CNTN5: variants seen among roughly 807,000 people sequenced by gnomAD.
The protein encoded by CNTN5 is contactin 5, also known as contactin-5.
A neutral mutation model predicts 129.1 loss-of-function variants in CNTN5; 77 were observed. That is an observed-to-expected ratio of 0.60 (90% confidence interval 0.50 to 0.72). The LOEUF (loss-of-function observed/expected upper bound fraction) is 0.72, where lower values mean the gene tolerates loss of function less well. Ranked by LOEUF, CNTN5 falls within the 30% of genes least tolerant of loss-of-function variation. The pLI is 0.00. For synonymous variants in CNTN5, 509 were observed against 465.6 expected, an observed-to-expected ratio of 1.09 and a Z score of -1.20; for missense variants, 1,478 against 1,328.8, an observed-to-expected ratio of 1.11 and a Z score of -1.75.
intron 3 of CNTN5, among the ~76,000 whole-genome samples, chr11:99,809,704 A>G (rs1946374072): frequency 6.6e-6 from 1 of 152,168 alleles, no homozygotes; most frequent in Admixed American, 6.6e-5. Flanking sequence ...CTGCATATGT[A>G]AAAGCACAAC....
intron 3 of CNTN5, among the ~76,000 whole-genome samples, chr11:99,761,213 G>A (rs1035294267): frequency 1.3e-5 from 2 of 151,976 alleles, no homozygotes; most frequent in Admixed American, 6.6e-5. Context: ...TAGGTATATG[G>A]ATCAAAGTAA....
chr11:99,482,560 G>T (rs1450644232), intron 2 of CNTN5, among the ~76,000 whole-genome samples: 1 of 152,136 alleles, frequency 6.6e-6, no homozygotes, highest in Non-Finnish European at 1.5e-5. Flanking sequence ...TGACTTTTCA[G>T]TAAATGGAAA....
rs149767330 is a variant in CNTN5, at chr11:99,402,533, T to C, written c.-71+77049T>C. Among the ~76,000 whole-genome samples, 119 of 152,286 alleles carry C rather than the reference T, an allele frequency of 7.8e-4. 1 individual carries two copies. Among genetic ancestry groups the C allele is most frequent in the African/African-American group, 2.7e-3 (113 of 41,564 alleles). On this transcript the variant is annotated intron_variant, in intron 2 of 24. Coordinates refer to ENST00000524871, the MANE Select transcript of CNTN5 (RefSeq NM_014361.4). ...CAGGGATATTGACCTATAGTTTTGT[T>C]GTTGTTTTTAAATTTGTTTTTGTCT... is the stretch of plus-strand genomic sequence containing the variant.
intron 9 of CNTN5, among the ~76,000 whole-genome samples, chr11:100,030,190 T>C (rs534154138): frequency 2.1e-5 from 3 of 145,610 alleles, no homozygotes; most frequent in African/African-American, 7.8e-5. Flanking sequence ...TCCTGGGCAA[T>C]ATAGAAAGAC....
chr11:99,716,066 A>G (rs1331045102), intron 3 of CNTN5, among the ~76,000 whole-genome samples: 1 of 151,930 alleles, frequency 6.6e-6, no homozygotes, highest in East Asian at 1.9e-4. Context: ...AATGTTTTCG[A>G]GATGTGTTTG....
intron 1 of CNTN5, among the ~76,000 whole-genome samples, chr11:99,240,515 TACACAGAGGGA>T (rs1367293735): frequency 6.6e-6 from 1 of 152,158 alleles, no homozygotes; most frequent in Non-Finnish European, 1.5e-5. Context: ...CCTGACTGCC[TACACAGAGGGA>T]ACTGAAACAA....
At chr11:99,243,399 T>G (rs539662020) in intron 1 of CNTN5, among the ~76,000 whole-genome samples, 2 of 152,244 alleles carry the variant, frequency 1.3e-5, no homozygotes, top group East Asian at 3.9e-4. Flanking sequence ...TTTCTTCCAT[T>G]CTGTAGGTCA....
intron 20 of CNTN5, among the ~76,000 whole-genome samples, chr11:100,305,632 GC>G (rs1346432854): frequency 1.5e-4 from 23 of 151,628 alleles, no homozygotes; most frequent in Non-Finnish European, 3.2e-4. Flanking sequence ...ACAATGGGAT[GC>G]CCAAAGCGAA....
At chr11:100,309,098 A>C in intron 21 of CNTN5, 1 of 985,164 alleles carries the variant, frequency 1.0e-6, no homozygotes, top group Non-Finnish European at 1.2e-6. Context: ...GGCTTCTCAC[A>C]CAGCTCTTGT....
At chr11:99,699,203 C>T (rs1954408549) in intron 3 of CNTN5, among the ~76,000 whole-genome samples, 1 of 151,302 alleles carries the variant, frequency 6.6e-6, no homozygotes, top group South Asian at 2.1e-4. Context: ...TTAGTATTTC[C>T]TAAGCAATGA....
In CNTN5 at chr11:100,019,103, T is replaced by C. The variant is rs544297202; in HGVS notation, c.980+16967T>C. On this transcript the variant is annotated intron_variant, in intron 9 of 24. Coordinates refer to ENST00000524871, the MANE Select transcript of CNTN5 (RefSeq NM_014361.4). ...TTTCTCCCACTCTGGGACTGTCTTTTTATTGCCTTACTAGTGTGTCTCAAA... is the reference window on the plus strand; with the variant it reads ...TTTCTCCCACTCTGGGACTGTCTTTCTATTGCCTTACTAGTGTGTCTCAAA... 9.9e-5 allele frequency among the ~76,000 whole-genome samples: 15 copies of C among 152,080 alleles called. 1 individual carries two copies. Among genetic ancestry groups the C allele is most frequent in the African/African-American group, 3.6e-4 (15 of 41,558 alleles).
At chr11:99,812,246 T>G (rs1031252487) in intron 3 of CNTN5, among the ~76,000 whole-genome samples, 5 of 152,124 alleles carry the variant, frequency 3.3e-5, no homozygotes, top group African/African-American at 4.8e-5. Flanking sequence ...TTAGAATTTG[T>G]TTTTGGGAAT....
intron 3 of CNTN5, among the ~76,000 whole-genome samples, chr11:99,618,607 A>G (rs866119121): frequency 1.1e-4 from 16 of 152,304 alleles, no homozygotes; most frequent in Middle Eastern, 6.8e-3. Context: ...TTTTTCAATC[A>G]TAGTGATTTA....
intron 9 of CNTN5, among the ~76,000 whole-genome samples, chr11:100,042,227 CTT>C (rs536805150): frequency 5.7e-5 from 8 of 140,602 alleles, no homozygotes; most frequent in South Asian, 2.2e-4. Flanking sequence ...TGTTCTCTCT[CTT>C]TTTTTTTTTT....
At chr11:99,967,237 C>T (rs1951118768) in intron 8 of CNTN5, among the ~76,000 whole-genome samples, 1 of 152,094 alleles carries the variant, frequency 6.6e-6, no homozygotes. Context: ...CTTTGTTGAC[C>T]ATATTACCAA....
At chr11:99,764,950 C>G (rs950801810) in intron 3 of CNTN5, among the ~76,000 whole-genome samples, 1 of 151,996 alleles carries the variant, frequency 6.6e-6, no homozygotes, top group Non-Finnish European at 1.5e-5. Flanking sequence ...TGTATCACAT[C>G]ATAAATAAAT....
At chr11:100,073,391 T>C (rs1465031782) in intron 12 of CNTN5, among the ~76,000 whole-genome samples, 2 of 152,050 alleles carry the variant, frequency 1.3e-5, no homozygotes, top group East Asian at 1.9e-4. Context: ...CTCAATTCTA[T>C]ACATATCTTT....
chr11:99,300,208 G>A (rs1864573023), intron 1 of CNTN5, among the ~76,000 whole-genome samples: 1 of 152,040 alleles, frequency 6.6e-6, no homozygotes. Flanking sequence ...TTCTTAGGGG[G>A]AATGTTTTCA....
rs775030200 is a variant in CNTN5, at chr11:100,070,424, C to G, written c.1163C>G (p.Thr388Ser). 6 of 1,610,964 alleles carry G rather than the reference C, an allele frequency of 3.7e-6. No individual in the cohort carries two copies. The highest frequency in any genetic ancestry group is 1.7e-5 in the Admixed American group (1 of 59,724). The change falls in exon 11 of 25, where the codon ACC becomes AGC. Residue 388 changes from threonine (T) to serine (S), a missense_variant and splice_region_variant. Transcript: ENST00000524871. ...TTGTTTACTGCTTACATACTTACAG[C>G]CTACCCACACTGGGTAGAAAAACTG... The part of the protein sequence containing the change: ...NSFRGQLQVY[T>S]YPHWVEKLND...
Sources: allele counts gnomAD v4.1 joint callset (sites outside exome capture counted in the v4.1 genomes callset), GRCh38; gene constraint gnomAD v4.1.1; transcripts MANE v1.5; gene names NCBI Gene and HGNC (gene_info 2026-07-23, HGNC 2026-07-21).